The following TNS1 variants were observed in gnomAD, a reference collection of about 807,000 sequenced individuals.
TNS1 encodes the protein tensin-1.
In TNS1, 62 loss-of-function variants were observed where a neutral mutation model predicts 168.6. The observed-to-expected ratio is 0.37, with a 90% confidence interval of 0.30 to 0.45. The LOEUF (loss-of-function observed/expected upper bound fraction) is 0.45, where lower values mean the gene tolerates loss of function less well. Ranked by LOEUF, TNS1 falls within the 20% of genes least tolerant of loss-of-function variation. The probability of loss-of-function intolerance (pLI) is 1.00; values close to 1 mark genes in which losing one functional copy is unlikely to be tolerated. For synonymous variants in TNS1, 934 were observed against 933.2 expected, an observed-to-expected ratio of 1.00 and a Z score of -0.02; for missense variants, 2,240 against 2,339.4, an observed-to-expected ratio of 0.96 and a Z score of 0.88.
At chr2:217,938,699 A>C (rs1956759460) in intron 3 of TNS1, among the ~76,000 whole-genome samples, 1 of 152,264 alleles carries the variant, frequency 6.6e-6, no homozygotes, top group Non-Finnish European at 1.5e-5. Flanking sequence ...TGTGACTCTC[A>C]TCAAGGCATG....
chr2:217,941,956 A>G (rs539072138), intron 3 of TNS1, among the ~76,000 whole-genome samples: 1 of 152,316 alleles, frequency 6.6e-6, no homozygotes, highest in South Asian at 2.1e-4. Context: ...GGCTTCAGCC[A>G]CAGCCCATCA....
intron 18 of TNS1, among the ~76,000 whole-genome samples, chr2:217,869,294 C>G (rs556904413): frequency 5.9e-5 from 9 of 152,156 alleles, no homozygotes; most frequent in Non-Finnish European, 4.4e-5. Context: ...CAAAGCCAGG[C>G]GAGGACAATG....
At chr2:217,856,594 G>A (rs1453318569) in intron 18 of TNS1, among the ~76,000 whole-genome samples, 1 of 152,176 alleles carries the variant, frequency 6.6e-6, no homozygotes, top group African/African-American at 2.4e-5. Flanking sequence ...CCACACAGAG[G>A]AGACACAGCC....
At chr2:217,855,631 G>GTGAA (rs1948042454) in intron 18 of TNS1, among the ~76,000 whole-genome samples, 1 of 152,158 alleles carries the variant, frequency 6.6e-6, no homozygotes, top group Non-Finnish European at 1.5e-5. Context: ...TGTGGTCTGT[G>GTGAA]TGAATGATGC....
intron 1 of TNS1, among the ~76,000 whole-genome samples, chr2:218,020,358 C>A (rs1958796925): frequency 6.6e-6 from 1 of 152,172 alleles, no homozygotes; most frequent in South Asian, 2.1e-4. Flanking sequence ...CCTAAGGACC[C>A]CTCCAGCCTT....
chr2:217,936,170 C>G (rs1956597067), intron 3 of TNS1, among the ~76,000 whole-genome samples: 1 of 152,174 alleles, frequency 6.6e-6, no homozygotes, highest in Non-Finnish European at 1.5e-5. Context: ...GCTCCTCCAC[C>G]CTGACCAGGG....
chr2:217,977,941 G>A (rs76802088), intron 3 of TNS1, among the ~76,000 whole-genome samples: 110 of 152,278 alleles, frequency 7.2e-4, no homozygotes, highest in Non-Finnish European at 1.3e-3. Context: ...GAAAGGCAAG[G>A]AACGCCATTT....
At chr2:218,006,484 G>A (rs918805960), upstream of TNS1, among the ~76,000 whole-genome samples, 7 of 152,348 alleles carry the variant, frequency 4.6e-5, no homozygotes, top group African/African-American at 1.7e-4. Flanking sequence ...CTACCAGGGC[G>A]TTAAGCCTTT....
At chr2:217,822,763 C>G (rs528526326) in intron 22 of TNS1, among the ~76,000 whole-genome samples, 2 of 152,326 alleles carry the variant, frequency 1.3e-5, no homozygotes, top group African/African-American at 4.8e-5. Flanking sequence ...AGGGAAATGA[C>G]TAGGTCCCCA....
chr2:218,023,232 GAC>G (rs1305408010), intron 1 of TNS1, among the ~76,000 whole-genome samples: 1 of 152,204 alleles, frequency 6.6e-6, no homozygotes, highest in Non-Finnish European at 1.5e-5. Flanking sequence ...ACACTGGAGA[GAC>G]CAAGTGCAGA....
At chr2:218,002,308 C>T (rs1005567207) in intron 1 of TNS1, among the ~76,000 whole-genome samples, 7 of 152,136 alleles carry the variant, frequency 4.6e-5, no homozygotes, top group Non-Finnish European at 8.8e-5. Context: ...GAAGGGATGG[C>T]AGTGGGTGGA....
chr2:218,025,035 G>A (rs1450855542), intron 1 of TNS1, among the ~76,000 whole-genome samples: 1 of 152,180 alleles, frequency 6.6e-6, no homozygotes, highest in East Asian at 1.9e-4. Flanking sequence ...CCTAGGCCTG[G>A]AGGGAGCATG....
intron 11 of TNS1, among the ~76,000 whole-genome samples, chr2:217,892,713 C>T (rs1342866589): frequency 2.6e-5 from 4 of 152,090 alleles, no homozygotes; most frequent in Non-Finnish European, 4.4e-5. Context: ...ACAGGGCCTG[C>T]CTCCCAAGGC....
intron 3 of TNS1, among the ~76,000 whole-genome samples, chr2:217,962,167 G>A (rs1338747108): frequency 6.6e-6 from 1 of 152,194 alleles, no homozygotes; most frequent in Non-Finnish European, 1.5e-5. Context: ...AACCAGGCTG[G>A]GTGAGGTGAC....
intron 18 of TNS1, 69 bp from the exon 19 acceptor site, chr2:217,849,156 A>C: frequency 6.6e-7 from 1 of 1,521,104 alleles, no homozygotes; most frequent in Non-Finnish European, 8.9e-7. Flanking sequence ...GGTATCATCC[A>C]CTCTGCCAGA....
chr2:217,910,005 C>T (rs562402889), intron 4 of TNS1, among the ~76,000 whole-genome samples: 1 of 152,258 alleles, frequency 6.6e-6, no homozygotes, highest in African/African-American at 2.4e-5. Context: ...TATTGTTTAT[C>T]GTCTCTAGCC....
Position 217,817,774 on chromosome 2 carries a change from C to T in TNS1, c.4558G>A (p.Ala1520Thr), listed in dbSNP as rs61746065. The change falls in exon 24 of 33, where the codon GCC becomes ACC. Residue 1520 changes from alanine (A) to threonine (T), a missense_variant. Ala to Thr is a moderately conservative substitution (Grantham distance 58). Coordinates refer to ENST00000682258, the MANE Select transcript of TNS1 (RefSeq NM_001387777.1). ...CCACTGGGACTGGACATGCCGCTGG[C>T]GACAGGCGAAGACACCTTCCCATTG... ...TINGKVSSPVASGMSSPSGGS... is the reference protein window; with the variant it reads ...TINGKVSSPVTSGMSSPSGGS... The T allele has an allele frequency of 8.1e-3, 13,058 of 1,613,620 alleles. 915 individuals are homozygous for T. In the African/African-American group the frequency reaches 0.15, roughly 19 times the overall value.
At chr2:217,865,655 T>G (rs1288062467) in intron 18 of TNS1, among the ~76,000 whole-genome samples, 1 of 152,058 alleles carries the variant, frequency 6.6e-6, no homozygotes, top group Non-Finnish European at 1.5e-5. Context: ...AGTCTGAAGC[T>G]CCCCACATCC....
chr2:217,998,471 T>G (rs927380043), intron 1 of TNS1, among the ~76,000 whole-genome samples: 1 of 152,172 alleles, frequency 6.6e-6, no homozygotes, highest in African/African-American at 2.4e-5. Context: ...ATCCTCACAA[T>G]GACGCCCTGC....
Sources: allele counts gnomAD v4.1 joint callset (sites outside exome capture counted in the v4.1 genomes callset), GRCh38; gene constraint gnomAD v4.1.1; transcripts MANE v1.5; gene names NCBI Gene and HGNC (gene_info 2026-07-23, HGNC 2026-07-21).